Variants in RASGRF2 observed in about 807,000 individuals in gnomAD.
The protein encoded by RASGRF2 is Ras protein specific guanine nucleotide releasing factor 2, also known as ras-specific guanine nucleotide-releasing factor 2.
Under a neutral mutation model 151.0 loss-of-function variants are expected in RASGRF2, and 76 were observed. That is an observed-to-expected ratio of 0.50 (90% CI 0.42 to 0.61). The LOEUF is 0.61. Among genes scored for constraint, RASGRF2 ranks in the 20% least tolerant of loss-of-function variants. The pLI is 0.00. For missense variants in RASGRF2, 1,148 were observed against 1,564.6 expected, an observed-to-expected ratio of 0.73 and a Z score of 4.49; for synonymous variants, 504 against 566.5, an observed-to-expected ratio of 0.89 and a Z score of 1.57.
chr5:81,139,086 T>C (rs1189685912), intron 17 of RASGRF2, among the ~76,000 whole-genome samples: 1 of 152,252 alleles, frequency 6.6e-6, no homozygotes, highest in African/African-American at 2.4e-5. Flanking sequence ...CGATATTTTA[T>C]ATTTTTTAGC....
At chr5:80,995,311 C>A (rs1488539452) in intron 1 of RASGRF2, among the ~76,000 whole-genome samples, 1 of 149,026 alleles carries the variant, frequency 6.7e-6, no homozygotes, top group Non-Finnish European at 1.5e-5. Context: ...CCTTCCCTAA[C>A]TCCAGCTCTA....
intron 18 of RASGRF2, among the ~76,000 whole-genome samples, chr5:81,182,484 G>T (rs905501053): frequency 6.6e-6 from 1 of 152,192 alleles, no homozygotes; most frequent in Admixed American, 6.5e-5. Flanking sequence ...AATGGGAATT[G>T]CTTTAGGGCA....
intron 1 of RASGRF2, among the ~76,000 whole-genome samples, chr5:80,973,115 G>A (rs569500395): frequency 1.6e-4 from 25 of 152,268 alleles, no homozygotes; most frequent in African/African-American, 5.8e-4. Flanking sequence ...TGGAGATGAG[G>A]ACAACATCTG....
chr5:81,056,779 C>G (rs557585433), intron 2 of RASGRF2, among the ~76,000 whole-genome samples: 1 of 152,124 alleles, frequency 6.6e-6, no homozygotes, highest in Non-Finnish European at 1.5e-5. Context: ...CTTTGTAGGT[C>G]TCTAAGGAGT....
intron 17 of RASGRF2, among the ~76,000 whole-genome samples, chr5:81,177,321 A>C (rs1754797809): frequency 6.6e-6 from 1 of 152,094 alleles, no homozygotes; most frequent in Non-Finnish European, 1.5e-5. Flanking sequence ...CCTCTGACAG[A>C]ATTAAAATGT....
At position 81,148,767 on chromosome 5, in the gene RASGRF2, T is replaced by G. The variant is rs558405125; in HGVS notation, c.2686+21604T>G. ...GCAGCACACTAGCATGGCACATGTA[T>G]ACATATGTAACTAACCTGCACATTG... is the stretch of plus-strand genomic sequence containing the variant. On this transcript the variant is annotated intron_variant, in intron 17 of 26. Coordinates refer to ENST00000265080, the MANE Select transcript of RASGRF2 (RefSeq NM_006909.3). 4.7e-4 allele frequency among the ~76,000 whole-genome samples: 72 copies of G among 152,062 alleles called. No individual in the cohort carries two copies. The South Asian group carries it at 9.2e-3, about 19-fold the overall frequency.
chr5:81,182,415 T>C (rs867207325), intron 18 of RASGRF2, among the ~76,000 whole-genome samples: 2 of 152,360 alleles, frequency 1.3e-5, no homozygotes, highest in Middle Eastern at 3.4e-3. Context: ...GTCACCTTCC[T>C]CATCCTCTCT....
intron 2 of RASGRF2, among the ~76,000 whole-genome samples, chr5:81,046,315 T>G (rs778432072): frequency 1.3e-5 from 2 of 152,314 alleles, no homozygotes; most frequent in East Asian, 3.9e-4. Context: ...TGCCCCACTT[T>G]GCCTTCAGAG....
chr5:81,148,871 C>T (rs1360443520), intron 17 of RASGRF2, among the ~76,000 whole-genome samples: 1 of 151,864 alleles, frequency 6.6e-6, no homozygotes, highest in Non-Finnish European at 1.5e-5. Context: ...AATCAACAAA[C>T]ATACCAAAAA....
chr5:81,083,126 G>A (rs1466512141), intron 7 of RASGRF2, among the ~76,000 whole-genome samples: 1 of 152,188 alleles, frequency 6.6e-6, no homozygotes, highest in Admixed American at 6.5e-5. Flanking sequence ...TTTCACTAAT[G>A]AAGTGAAATA....
chr5:81,207,486 G>A, intron 21 of RASGRF2, 137 bp downstream of exon 21: 1 of 723,204 alleles, frequency 1.4e-6, no homozygotes. Flanking sequence ...TTCCATCCAT[G>A]GAACTGGCAC....
In RASGRF2 at chr5:81,132,807, G is replaced by A. The variant is rs531098897; in HGVS notation, c.2686+5644G>A. The stretch of plus-strand genomic sequence containing the variant: ...TTAGGCCCAGTTACAGATGGATCCT[G>A]AATTTGTAGGCCTGATGTTTATACA... On this transcript the variant is annotated intron_variant, in intron 17 of 26. Coordinates refer to ENST00000265080, the MANE Select transcript of RASGRF2 (RefSeq NM_006909.3). Among the ~76,000 whole-genome samples the A allele has an allele frequency of 1.5e-4, 23 of 152,238 alleles. 1 individual carries two copies. Among genetic ancestry groups the A allele is most frequent in the African/African-American group, 5.1e-4 (21 of 41,546 alleles).
At chr5:81,101,728 T>C (rs1026576276) in intron 12 of RASGRF2, among the ~76,000 whole-genome samples, 10 of 152,210 alleles carry the variant, frequency 6.6e-5, no homozygotes, top group Non-Finnish European at 1.2e-4. Flanking sequence ...CATTTTTATA[T>C]AATTTAAAAT....
chr5:81,048,356 CA>C (rs1412671261), intron 2 of RASGRF2, among the ~76,000 whole-genome samples: 1 of 146,310 alleles, frequency 6.8e-6, no homozygotes, highest in Non-Finnish European at 1.5e-5. Flanking sequence ...GATAATTCAA[CA>C]TTTTTTTTCC....
At chr5:81,169,582 C>T (rs567236715) in intron 17 of RASGRF2, among the ~76,000 whole-genome samples, 23 of 152,290 alleles carry the variant, frequency 1.5e-4, no homozygotes, top group South Asian at 6.2e-4. Context: ...ATGATTAGGA[C>T]GCACCATAAT....
At chr5:80,990,851 G>A (rs1273883119) in intron 1 of RASGRF2, among the ~76,000 whole-genome samples, 1 of 152,162 alleles carries the variant, frequency 6.6e-6, no homozygotes, top group East Asian at 1.9e-4. Flanking sequence ...GTACATGAAG[G>A]TTCACAAAAG....
At chr5:81,145,947 A>G (rs752605364) in intron 17 of RASGRF2, among the ~76,000 whole-genome samples, 1 of 152,244 alleles carries the variant, frequency 6.6e-6, no homozygotes, top group Non-Finnish European at 1.5e-5. Context: ...CAAATTATTC[A>G]TAATCACGTT....
chr5:81,141,251 C>T (rs1417840207), intron 17 of RASGRF2, among the ~76,000 whole-genome samples: 1 of 152,204 alleles, frequency 6.6e-6, no homozygotes, highest in African/African-American at 2.4e-5. Flanking sequence ...TTCAGTGCCA[C>T]TCCCATGTAT....
At chr5:80,983,978 A>G (rs896335650) in intron 1 of RASGRF2, among the ~76,000 whole-genome samples, 2 of 152,154 alleles carry the variant, frequency 1.3e-5, no homozygotes, top group Admixed American at 1.3e-4. Context: ...GTGCTGATCT[A>G]TAATATAGCA....
Sources: allele counts gnomAD v4.1 joint callset (sites outside exome capture counted in the v4.1 genomes callset), GRCh38; gene constraint gnomAD v4.1.1; transcripts MANE v1.5; gene names NCBI Gene and HGNC (gene_info 2026-07-23, HGNC 2026-07-21).